The following SAMD12 variants were observed in gnomAD, a reference collection of about 807,000 sequenced individuals.
SAMD12 encodes sterile alpha motif domain containing 12.
SAMD12 carries 9 observed loss-of-function variants against 15.0 expected under a neutral mutation model. That is an observed-to-expected ratio of 0.60 (90% CI 0.36 to 1.05). The LOEUF (loss-of-function observed/expected upper bound fraction) is 1.05. SAMD12 is among the 50% of genes least tolerant of loss of function. The pLI is 0.01. For synonymous variants in SAMD12, 86 were observed against 90.1 expected, an observed-to-expected ratio of 0.96 and a Z score of 0.25; for missense variants, 230 against 234.2, an observed-to-expected ratio of 0.98 and a Z score of 0.12.
At chr8:118,416,286 G>A (rs1473446081) in intron 3 of SAMD12, among the ~76,000 whole-genome samples, 1 of 152,120 alleles carries the variant, frequency 6.6e-6, no homozygotes, top group African/African-American at 2.4e-5. Context: ...ATTAACTATT[G>A]TTATTATTAT....
At chr8:118,572,355 G>A (rs929767103) in intron 2 of SAMD12, among the ~76,000 whole-genome samples, 2 of 152,290 alleles carry the variant, frequency 1.3e-5, no homozygotes, top group Admixed American at 1.3e-4. Flanking sequence ...TTGAGTTAAT[G>A]CTAGAATGAG....
At chr8:118,265,334 C>T (rs2130082730) in intron 4 of SAMD12, among the ~76,000 whole-genome samples, 1 of 152,134 alleles carries the variant, frequency 6.6e-6, no homozygotes, top group East Asian at 1.9e-4. Flanking sequence ...CATAATAAAG[C>T]ATTATTTATT....
intron 4 of SAMD12, among the ~76,000 whole-genome samples, chr8:118,250,657 C>G (rs1263638317): frequency 6.6e-6 from 1 of 151,828 alleles, no homozygotes; most frequent in Non-Finnish European, 1.5e-5. Context: ...CCATGTCTGG[C>G]TAAATTTTTT....
the SAMD12 span, among the ~76,000 whole-genome samples, chr8:118,170,193 G>A: frequency 6.6e-6 from 1 of 152,132 alleles, no homozygotes; most frequent in Non-Finnish European, 1.5e-5. Flanking sequence ...TTGGGGAAAC[G>A]ATTGTACACT....
chr8:118,381,454 C>T (rs941057050), intron 3 of SAMD12, among the ~76,000 whole-genome samples: 2 of 152,142 alleles, frequency 1.3e-5, no homozygotes, highest in Non-Finnish European at 1.5e-5. Flanking sequence ...TAATTTCTTA[C>T]CTTACATGAC....
intron 1 of SAMD12, among the ~76,000 whole-genome samples, chr8:118,584,291 C>T (rs1026409600): frequency 4.6e-5 from 7 of 152,004 alleles, no homozygotes; most frequent in African/African-American, 1.7e-4. Context: ...ATTTCATGTC[C>T]CTAATATTTA....
chr8:118,367,866 C>A (rs568868357), intron 4 of SAMD12, among the ~76,000 whole-genome samples: 2 of 152,242 alleles, frequency 1.3e-5, no homozygotes, highest in South Asian at 4.1e-4. Flanking sequence ...ATTTTTCTAC[C>A]ATGAACAATG....
chr8:118,565,479 G>C (rs1405616433), intron 2 of SAMD12, among the ~76,000 whole-genome samples: 3 of 152,200 alleles, frequency 2.0e-5, no homozygotes, highest in African/African-American at 7.2e-5. Flanking sequence ...AAACTGAAGG[G>C]ATGCCACCAC....
intron 4 of SAMD12, among the ~76,000 whole-genome samples, chr8:118,366,812 C>CTAAAATA (rs1818791765): frequency 1.3e-5 from 1 of 78,072 alleles, no homozygotes; most frequent in Admixed American, 1.4e-4. Flanking sequence ...AACTCTGTCT[C>CTAAAATA]AAATAAAATA....
chr8:118,264,470 C>CAG (rs1323867250), intron 4 of SAMD12, among the ~76,000 whole-genome samples: 17 of 152,108 alleles, frequency 1.1e-4, no homozygotes, highest in African/African-American at 4.1e-4. Context: ...TAACCTGTCA[C>CAG]AGAGTCTTTG....
intron 2 of SAMD12, among the ~76,000 whole-genome samples, chr8:118,572,265 C>T (rs1464826273): frequency 6.6e-6 from 1 of 152,166 alleles, no homozygotes; most frequent in Non-Finnish European, 1.5e-5. Context: ...TAGGAAGTAA[C>T]TAACCTGCTT....
the SAMD12 span, among the ~76,000 whole-genome samples, chr8:118,145,855 G>C: frequency 1.3e-5 from 2 of 152,160 alleles, no homozygotes; most frequent in African/African-American, 4.8e-5. Context: ...GTCATTGTCT[G>C]GGGCTGCCCA....
rs150738156 is a variant in SAMD12 at position 118,498,008 on chromosome 8, G to A, written c.193-58047C>T. Among the ~76,000 whole-genome samples the A allele has an allele frequency of 1.6e-3, 247 of 152,106 alleles. 1 individual carries two copies. The highest frequency in any genetic ancestry group is 4.6e-3 in the African/African-American group (192 of 41,510). ...AAAGAAAGGAAGAAAGTCAGGAAGTGGAAAGAATGAAACAACACAGGACTA... is the reference window on the plus strand; with the variant it reads ...AAAGAAAGGAAGAAAGTCAGGAAGTAGAAAGAATGAAACAACACAGGACTA... On this transcript the variant is annotated intron_variant, in intron 2 of 3. Transcript: ENST00000314727.
At chr8:118,143,418 T>C in the SAMD12 span, among the ~76,000 whole-genome samples, 2 of 152,334 alleles carry the variant, frequency 1.3e-5, no homozygotes, top group East Asian at 1.9e-4. Flanking sequence ...ATACCCTAAG[T>C]GACTTGTCAA....
chr8:118,379,242 A>T lies in SAMD12; in HGVS notation c.*175T>A. On this transcript the variant is annotated 3_prime_UTR_variant, in exon 4 of 4. Transcript: ENST00000314727. ...ACATTATACAACTCTAGTGAGTGCA[A>T]TCGTACCCTGATTGATGTGACTGGT... 1.4e-6 allele frequency: 2 copies of T among 1,428,910 alleles called. No individual in the cohort carries two copies. The highest frequency in any genetic ancestry group is 2.9e-5 in the African/African-American group (2 of 69,630). 88.5% of individuals were successfully genotyped at this position (1,428,910 alleles called of 1,614,324 possible).
At chr8:118,297,925 G>A (rs749604064) in intron 4 of SAMD12, among the ~76,000 whole-genome samples, 7 of 152,184 alleles carry the variant, frequency 4.6e-5, no homozygotes, top group Non-Finnish European at 8.8e-5. Flanking sequence ...ATTATGCATT[G>A]TAGAAGCAGA....
the SAMD12 span, among the ~76,000 whole-genome samples, chr8:118,163,493 C>T: frequency 0.011 from 1,630 of 152,296 alleles, 22 homozygotes; most frequent in African/African-American, 0.036. Context: ...GGTACTCATA[C>T]TGGTTGTGCA....
downstream of SAMD12, among the ~76,000 whole-genome samples, chr8:118,373,192 A>T (rs886594072): frequency 6.6e-6 from 1 of 152,198 alleles, no homozygotes; most frequent in Admixed American, 6.6e-5. Flanking sequence ...AGATAAAAAG[A>T]ATACTGGCAT....
exon 5 of SAMD12, chr8:118,193,114 A>G (rs1254468874): frequency 1.3e-5 from 2 of 152,210 alleles, no homozygotes; most frequent in Non-Finnish European, 2.9e-5. Flanking sequence ...GATTTTAGAA[A>G]CAGTGCTTGC....
Sources: gnomAD v4.1 joint callset for allele counts (sites outside exome capture counted in the v4.1 genomes callset) on GRCh38, gnomAD v4.1.1 for gene constraint, MANE v1.5 for transcripts, NCBI Gene and HGNC (gene_info 2026-07-23, HGNC 2026-07-21) for gene names.